The following NTRK2 variants were observed in gnomAD, a reference collection of about 807,000 sequenced individuals.
NTRK2 encodes BDNF/NT-3 growth factors receptor.
In NTRK2, 13 loss-of-function variants were observed where a neutral mutation model predicts 94.5. That is an observed-to-expected ratio of 0.14 (90% CI 0.09 to 0.22). The LOEUF is 0.22. Among genes scored for constraint, NTRK2 ranks in the 10% least tolerant of loss-of-function variants. The pLI is 1.00. For synonymous variants in NTRK2, 372 were observed against 407.4 expected (o/e 0.91, Z 1.05); for missense variants, 639 against 1,071.2 (o/e 0.60, Z 5.63).
intron 17 of NTRK2, among the ~76,000 whole-genome samples, chr9:84,976,922 A>G (rs567288948): frequency 2.4e-3 from 373 of 152,350 alleles, no homozygotes; most frequent in Middle Eastern, 0.014. Context: ...TTTACACACT[A>G]TTCTCTTGCT....
intron 7 of NTRK2, 95 bp from the exon 8 acceptor site, chr9:84,724,129 A>T: frequency 7.9e-7 from 1 of 1,264,876 alleles, no homozygotes; most frequent in Non-Finnish European, 1.2e-6. Flanking sequence ...TGCTATATAT[A>T]CATATTTTCT....
intron 15 of NTRK2, among the ~76,000 whole-genome samples, chr9:84,935,664 T>C (rs979752438): frequency 4.0e-5 from 6 of 151,618 alleles, no homozygotes; most frequent in Non-Finnish European, 8.8e-5. Flanking sequence ...CCTAGAGAGA[T>C]GTGAGGGTGA....
intron 17 of NTRK2, among the ~76,000 whole-genome samples, chr9:85,001,089 T>C (rs756884025): frequency 6.6e-6 from 1 of 152,198 alleles, no homozygotes; most frequent in Admixed American, 6.5e-5. Context: ...TGAGTCTAGT[T>C]TAAAACTTTA....
Position 85,024,752 on chromosome 9 carries a change from C to T in NTRK2, c.*3315C>T. On this transcript the variant is annotated 3_prime_UTR_variant, in exon 19 of 19. Transcript: ENST00000277120. ...TTGTGATATATAATCATGCTCTTAG[C>T]TTCAGCTAAATTCAGCTAAATTCTT... The T allele has an allele frequency of 4.3e-6, 1 of 233,116 alleles. No individual in the cohort carries two copies. Among genetic ancestry groups the T allele is most frequent in the Non-Finnish European group, 8.5e-6 (1 of 117,974 alleles). The allele number at this position is 233,116 out of a possible 1,614,324, so 14.4% of individuals were successfully genotyped here. A position where few individuals can be genotyped will look rare whatever the true frequency, so the allele number is the denominator to read the frequency against.
chr9:85,013,453 A>G (rs1418694729), intron 17 of NTRK2, among the ~76,000 whole-genome samples: 4 of 151,922 alleles, frequency 2.6e-5, no homozygotes, highest in Admixed American at 6.6e-5. Flanking sequence ...CAGGTGCGTG[A>G]CACCACCCAT....
intron 12 of NTRK2, chr9:84,810,638 T>C: frequency 1.9e-6 from 3 of 1,612,984 alleles, no homozygotes; most frequent in Non-Finnish European, 2.5e-6. Flanking sequence ...GATGCTGCCA[T>C]GTAAGCTGGA....
At chr9:84,843,325 G>C (rs140575764) in intron 12 of NTRK2, among the ~76,000 whole-genome samples, 57 of 152,234 alleles carry the variant, frequency 3.7e-4, no homozygotes, top group Non-Finnish European at 6.9e-4. Flanking sequence ...TCTTCTCTCA[G>C]TAGCCTCCCC....
intron 12 of NTRK2, among the ~76,000 whole-genome samples, chr9:84,852,263 A>G (rs765830151): frequency 2.0e-5 from 3 of 152,222 alleles, no homozygotes; most frequent in Non-Finnish European, 4.4e-5. Context: ...CTGAGTGCTA[A>G]CCAGCATGGC....
chr9:85,011,332 G>C (rs776594960), intron 17 of NTRK2, among the ~76,000 whole-genome samples: 1 of 152,168 alleles, frequency 6.6e-6, no homozygotes, highest in Non-Finnish European at 1.5e-5. Flanking sequence ...AACTGTGCCA[G>C]AATCAGAAGG....
chr9:84,727,636 CT>C lies in NTRK2; in HGVS notation c.854-17del. On this transcript the variant is annotated splice_polypyrimidine_tract_variant and intron_variant, in intron 8 of 18. Transcript: ENST00000277120. ...TCTGAGCTTTCTGATGCTATTAACT[CT>C]CTCTTTTTCAATTTAGTTGCACCAA... 2 of 1,611,032 alleles carry C rather than the reference CT, an allele frequency of 1.2e-6. No homozygotes were observed. Among genetic ancestry groups the C allele is most frequent in the Non-Finnish European group, 1.7e-6 (2 of 1,179,060 alleles).
rs1401455752 is a variant in NTRK2 at position 84,830,148 on chromosome 9, C to T, written c.1397-30892C>T. On this transcript the variant is annotated intron_variant, in intron 12 of 18. Coordinates refer to ENST00000277120, the MANE Select transcript of NTRK2 (RefSeq NM_006180.6). ...ACTTATGCTAAGTATGGAAGCCTCA[C>T]AGTGGCTCTGGCAACGACAGCAGGT... is the stretch of plus-strand genomic sequence containing the variant. Among the ~76,000 whole-genome samples, 3 of 152,334 alleles carry T rather than the reference C, an allele frequency of 2.0e-5. No individual in the cohort carries two copies. The South Asian group carries it at 6.2e-4, about 32-fold the overall frequency.
intron 14 of NTRK2, among the ~76,000 whole-genome samples, chr9:84,891,378 G>A (rs759161499): frequency 2.0e-4 from 31 of 151,840 alleles, no homozygotes; most frequent in Non-Finnish European, 4.1e-4. Flanking sequence ...AAGACACGGT[G>A]CATTGGAGGC....
intron 17 of NTRK2, among the ~76,000 whole-genome samples, chr9:84,959,066 C>T (rs935535674): frequency 6.6e-6 from 1 of 152,188 alleles, no homozygotes; most frequent in Non-Finnish European, 1.5e-5. Flanking sequence ...TTCTCTATCA[C>T]CATAGCTGGG....
At chr9:84,781,580 T>C (rs1662696) in intron 12 of NTRK2, among the ~76,000 whole-genome samples, 117,423 of 152,076 alleles carry the variant, frequency 0.77, 45,516 homozygotes, top group East Asian at 0.89. Context: ...TTCTTAACTT[T>C]GCCGGTTAAA....
chr9:84,985,820 A>C (rs1030246998), intron 17 of NTRK2, among the ~76,000 whole-genome samples: 1 of 152,244 alleles, frequency 6.6e-6, no homozygotes, highest in Non-Finnish European at 1.5e-5. Flanking sequence ...TTCAAGGATC[A>C]CACAGTTTAA....
At chr9:84,901,925 G>A (rs1001814912) in intron 14 of NTRK2, among the ~76,000 whole-genome samples, 2 of 152,094 alleles carry the variant, frequency 1.3e-5, no homozygotes, top group Non-Finnish European at 2.9e-5. Context: ...GGCTGGGCAC[G>A]GTGGCTGACG....
intron 9 of NTRK2, among the ~76,000 whole-genome samples, chr9:84,728,922 G>A (rs1208254308): frequency 2.0e-5 from 3 of 152,256 alleles, no homozygotes; most frequent in Admixed American, 1.3e-4. Flanking sequence ...TGCTACCAAT[G>A]TGGTGGCCAA....
chr9:84,784,215 A>T (rs1369120405), intron 12 of NTRK2, among the ~76,000 whole-genome samples: 1 of 152,194 alleles, frequency 6.6e-6, no homozygotes, highest in Non-Finnish European at 1.5e-5. Flanking sequence ...TAAATTTTTT[A>T]AATTGAGAAA....
chr9:84,816,636 G>T (rs2072423792), intron 12 of NTRK2, among the ~76,000 whole-genome samples: 2 of 151,820 alleles, frequency 1.3e-5, no homozygotes, highest in South Asian at 4.2e-4. Context: ...AAAATTAGCT[G>T]GGCGTGGTGG....
Sources: gnomAD v4.1 joint callset for allele counts (sites outside exome capture counted in the v4.1 genomes callset) on GRCh38, gnomAD v4.1.1 for gene constraint, MANE v1.5 for transcripts, NCBI Gene and HGNC (gene_info 2026-07-23, HGNC 2026-07-21) for gene names.